Variants in CHRM3 observed in about 807,000 individuals in gnomAD.
CHRM3 encodes the protein cholinergic receptor muscarinic 3.
In CHRM3, 11 loss-of-function variants were observed where a neutral mutation model predicts 41.8. The observed-to-expected ratio is 0.26, with a 90% CI of 0.17 to 0.44. The LOEUF (loss-of-function observed/expected upper bound fraction) is 0.44. Ranked by LOEUF, CHRM3 falls within the 20% of genes least tolerant of loss-of-function variation. CHRM3 has a pLI of 1.00. For synonymous variants in CHRM3, 297 were observed against 301.4 expected (o/e 0.99, Z 0.15); for missense variants, 571 against 745.4 (o/e 0.77, Z 2.72).
At chr1:239,845,255 A>G (rs558421267) in intron 6 of CHRM3, among the ~76,000 whole-genome samples, 1 of 152,332 alleles carries the variant, frequency 6.6e-6, no homozygotes, top group South Asian at 2.1e-4. Context: ...AGAGGTAGCA[A>G]AACAGCAGCT....
chr1:239,568,305 A>G (rs1039749809), intron 3 of CHRM3, among the ~76,000 whole-genome samples: 1 of 152,148 alleles, frequency 6.6e-6, no homozygotes, highest in African/African-American at 2.4e-5. Context: ...TAATTGAATC[A>G]TGGGAGTGGT....
At chr1:239,642,765 T>C (rs1671319322) in intron 4 of CHRM3, among the ~76,000 whole-genome samples, 1 of 152,360 alleles carries the variant, frequency 6.6e-6, no homozygotes, top group African/African-American at 2.4e-5. Flanking sequence ...TTCTCTCAAC[T>C]CGTCAAAGTC....
At chr1:239,673,163 A>T (rs73109151) in intron 4 of CHRM3, among the ~76,000 whole-genome samples, 6,725 of 152,206 alleles carry the variant, frequency 0.044, 357 homozygotes, top group African/African-American at 0.12. Context: ...GCCTTCAAGC[A>T]GAGAATGAAG....
At chr1:239,467,904 C>CT (rs945586902) in intron 1 of CHRM3, among the ~76,000 whole-genome samples, 46 of 134,766 alleles carry the variant, frequency 3.4e-4, no homozygotes, top group Non-Finnish European at 5.3e-4. Flanking sequence ...TCCCTACCCC[C>CT]CCCCAACGTT....
At chr1:239,568,227 A>G (rs1007460872) in intron 3 of CHRM3, among the ~76,000 whole-genome samples, 2 of 152,144 alleles carry the variant, frequency 1.3e-5, no homozygotes, top group African/African-American at 4.8e-5. Flanking sequence ...CTGTGTCCCC[A>G]TTCAAATCTC....
At chr1:239,715,475 A>C (rs2148272124) in intron 5 of CHRM3, among the ~76,000 whole-genome samples, 1 of 152,258 alleles carries the variant, frequency 6.6e-6, no homozygotes, top group South Asian at 2.1e-4. Context: ...TGGCTGGAGT[A>C]AAACTATCAT....
chr1:239,776,549 G>GT (rs1380235182), intron 5 of CHRM3, among the ~76,000 whole-genome samples: 1 of 152,088 alleles, frequency 6.6e-6, no homozygotes, highest in African/African-American at 2.4e-5. Flanking sequence ...AAAAATTGAT[G>GT]TAAGGAAGGG....
chr1:239,846,083 T>G (rs1401587473), intron 6 of CHRM3, among the ~76,000 whole-genome samples: 1 of 152,170 alleles, frequency 6.6e-6, no homozygotes, highest in African/African-American at 2.4e-5. Flanking sequence ...TAAGTGAAAC[T>G]TACAACTTTT....
chr1:239,533,488 C>T (rs112649421), intron 2 of CHRM3, among the ~76,000 whole-genome samples: 10 of 151,588 alleles, frequency 6.6e-5, no homozygotes, highest in East Asian at 3.9e-4. Context: ...ATTATCCCAG[C>T]GCTTTGGGAG....
intron 4 of CHRM3, among the ~76,000 whole-genome samples, chr1:239,669,129 C>T (rs935487996): frequency 1.2e-4 from 19 of 152,172 alleles, no homozygotes; most frequent in Admixed American, 1.1e-3. Context: ...CTGTGCACTC[C>T]TGGACACAAA....
intron 5 of CHRM3, among the ~76,000 whole-genome samples, chr1:239,749,839 C>T (rs1665664547): frequency 6.6e-6 from 1 of 152,152 alleles, no homozygotes; most frequent in Non-Finnish European, 1.5e-5. Context: ...GGTATTCTGA[C>T]CTCAAAATAC....
In CHRM3 at chr1:239,433,032, CTG is replaced by C. The variant is rs534794903; in HGVS notation, c.-521+45809_-521+45810del. Among the ~76,000 whole-genome samples the C allele has an allele frequency of 2.0e-4, 31 of 152,254 alleles. No homozygotes were observed. The East Asian group carries it at 5.6e-3, about 28-fold the overall frequency. On this transcript the variant is annotated intron_variant, in intron 1 of 6. Coordinates refer to ENST00000676153, the MANE Select transcript of CHRM3 (RefSeq NM_001375978.1). Reference sequence around the variant, plus strand: ...CACATTGTCTTCATCCAGCTCAGCGCTGTGTTTTCAAATCTTTACCTTTATTT... The same window carrying C: ...CACATTGTCTTCATCCAGCTCAGCGCTGTTTTCAAATCTTTACCTTTATTT...
chr1:239,583,038 C>T (rs989774853), intron 3 of CHRM3, among the ~76,000 whole-genome samples: 7 of 152,156 alleles, frequency 4.6e-5, no homozygotes, highest in Non-Finnish European at 7.3e-5. Flanking sequence ...CAATGCCAGC[C>T]ACCATCTTCC....
intron 2 of CHRM3, among the ~76,000 whole-genome samples, chr1:239,507,945 T>C (rs1668681254): frequency 6.6e-6 from 1 of 152,150 alleles, no homozygotes; most frequent in African/African-American, 2.4e-5. Context: ...CTCTGTGGTA[T>C]AGGACTGATT....
intron 4 of CHRM3, among the ~76,000 whole-genome samples, chr1:239,644,537 G>A (rs1671566106): frequency 6.6e-6 from 1 of 152,188 alleles, no homozygotes; most frequent in African/African-American, 2.4e-5. Context: ...CCTTAAATGG[G>A]GGTGGACTGT....
chr1:239,892,772 A>G (rs1233263060), intron 6 of CHRM3, among the ~76,000 whole-genome samples: 2 of 152,202 alleles, frequency 1.3e-5, no homozygotes, highest in Non-Finnish European at 2.9e-5. Flanking sequence ...ACAGTGTCTC[A>G]TGCACCTTCC....
chr1:239,606,303 T>G (rs1008909806), intron 3 of CHRM3: 1 of 151,918 alleles, frequency 6.6e-6, no homozygotes, highest in African/African-American at 2.4e-5. Context: ...GGGGGAAGAA[T>G]CTCACTCTGT....
At chr1:239,588,937 C>A (rs1663741645) in intron 3 of CHRM3, among the ~76,000 whole-genome samples, 1 of 151,848 alleles carries the variant, frequency 6.6e-6, no homozygotes, top group Non-Finnish European at 1.5e-5. Context: ...AGTTATGAAG[C>A]ATCTTTTTTT....
intron 1 of CHRM3, among the ~76,000 whole-genome samples, chr1:239,440,744 G>A (rs922085314): frequency 6.6e-6 from 1 of 152,188 alleles, no homozygotes; most frequent in Non-Finnish European, 1.5e-5. Context: ...AGGTCTGAGT[G>A]CTCTGTTGTT....
Sources: gnomAD v4.1 joint callset for allele counts (sites outside exome capture counted in the v4.1 genomes callset) on GRCh38, gnomAD v4.1.1 for gene constraint, MANE v1.5 for transcripts, NCBI Gene and HGNC (gene_info 2026-07-23, HGNC 2026-07-21) for gene names.